APOLD1: variants seen among roughly 807,000 people sequenced by gnomAD.
The protein encoded by APOLD1 is apolipoprotein L domain-containing protein 1.
A neutral mutation model predicts 15.3 loss-of-function variants in APOLD1; 22 were observed. The observed-to-expected ratio is 1.44, with a 90% CI of 1.03 to 2.05. APOLD1 has a LOEUF of 2.05. Among genes scored for constraint, APOLD1 ranks in the 30% most tolerant of loss-of-function variants. The pLI, the probability that APOLD1 is intolerant of heterozygous loss-of-function variation, is 0.00. For synonymous variants in APOLD1, 190 were observed against 167.4 expected, an observed-to-expected ratio of 1.13 and a Z score of -1.04; for missense variants, 394 against 353.5, an observed-to-expected ratio of 1.11 and a Z score of -0.92.
chr12:12,760,027 A>G (rs1274595287), intron 1 of APOLD1, among the ~76,000 whole-genome samples: 1 of 152,242 alleles, frequency 6.6e-6, no homozygotes, highest in Admixed American at 6.5e-5. Flanking sequence ...GCAACTGAAT[A>G]GAAGTAGACA....
chr12:12,779,773 A>G (rs918034690), intron 1 of APOLD1, among the ~76,000 whole-genome samples: 1 of 152,212 alleles, frequency 6.6e-6, no homozygotes, highest in Non-Finnish European at 1.5e-5. Flanking sequence ...CAACATAGAC[A>G]AGTGTGTATC....
upstream of APOLD1, among the ~76,000 whole-genome samples, chr12:12,783,106 T>C (rs1275511573): frequency 6.6e-6 from 1 of 152,012 alleles, no homozygotes; most frequent in East Asian, 1.9e-4. Flanking sequence ...CTCGGGAGGC[T>C]GAGGCAGGAG....
intron 1 of APOLD1, among the ~76,000 whole-genome samples, chr12:12,748,169 G>A (rs890278294): frequency 6.6e-6 from 1 of 152,198 alleles, no homozygotes; most frequent in African/African-American, 2.4e-5. Context: ...TATTAAGAGA[G>A]TGAAAAAAAT....
At chr12:12,784,920 T>C (rs1468779106), upstream of APOLD1, among the ~76,000 whole-genome samples, 2 of 152,210 alleles carry the variant, frequency 1.3e-5, no homozygotes, top group Non-Finnish European at 2.9e-5. Flanking sequence ...TCACATGGGC[T>C]ACAATTGCTA....
chr12:12,777,889 GTTTTTTTTTTTTTTTTTTTTTT>G (rs71436735), intron 1 of APOLD1, among the ~76,000 whole-genome samples: 1 of 117,064 alleles, frequency 8.5e-6, no homozygotes, highest in Admixed American at 9.0e-5. Flanking sequence ...AAGGAAAGGT[GTTTTTTTTTTTTTTTTTTTTTT>G]TTTTTTTTTT....
chr12:12,762,443 C>T (rs1946908292), intron 1 of APOLD1, among the ~76,000 whole-genome samples: 1 of 151,914 alleles, frequency 6.6e-6, no homozygotes, highest in African/African-American at 2.4e-5. Flanking sequence ...CAACCTCTGC[C>T]TCCCAGGTTC....
intron 1 of APOLD1, among the ~76,000 whole-genome samples, chr12:12,765,178 A>G (rs1356723497): frequency 6.6e-6 from 1 of 152,162 alleles, no homozygotes; most frequent in African/African-American, 2.4e-5. Context: ...GCCTCCAATC[A>G]TGATGGAAGG....
upstream of APOLD1, among the ~76,000 whole-genome samples, chr12:12,785,128 T>C (rs1427464161): frequency 6.6e-6 from 1 of 152,164 alleles, no homozygotes; most frequent in African/African-American, 2.4e-5. Flanking sequence ...GGCCTTGCAT[T>C]CTTAGGACTG....
chr12:12,751,847 A>T (rs751634185), intron 1 of APOLD1, among the ~76,000 whole-genome samples: 1 of 152,242 alleles, frequency 6.6e-6, no homozygotes, highest in Non-Finnish European at 1.5e-5. Context: ...ATTGATCTCT[A>T]TAAGAAGGAC....
At position 12,787,400 on chromosome 12, in the gene APOLD1, TTCTG is replaced by T. The variant is rs1947140453; in HGVS notation, c.499_502del (p.Val167ThrfsTer28). 30 of 1,614,076 alleles carry T rather than the reference TTCTG, an allele frequency of 1.9e-5. No individual in the cohort carries two copies. Among genetic ancestry groups the T allele is most frequent in the Non-Finnish European group, 2.5e-5 (30 of 1,180,036 alleles). Reference sequence around the variant, plus strand: ...GGAACGCCTCCATCGCCCTGTACAATTCTGTCTACTTCATCGTCTTCTTTGGCTC... The same window carrying T: ...GGAACGCCTCCATCGCCCTGTACAATTCTACTTCATCGTCTTCTTTGGCTC... On this transcript the variant is annotated frameshift_variant, in exon 2 of 2. Coordinates refer to ENST00000356591, the MANE Select transcript of APOLD1 (RefSeq NM_030817.3). LOFTEE classifies it high-confidence loss of function. This position sits in a 1 kb window ranked among gnomAD's most constrained non-coding sequence, Gnocchi z 4.9.
At chr12:12,746,096 C>T (rs10505768) in intron 1 of APOLD1, among the ~76,000 whole-genome samples, 8,835 of 152,032 alleles carry the variant, frequency 0.058, 520 homozygotes, top group African/African-American at 0.14. Flanking sequence ...CTATTTCATC[C>T]GAGTCTGGAA....
intron 1 of APOLD1, among the ~76,000 whole-genome samples, chr12:12,736,056 TA>T (rs1946682329): frequency 6.6e-6 from 1 of 151,892 alleles, no homozygotes; most frequent in Admixed American, 6.6e-5. Flanking sequence ...CCATCTCTAC[TA>T]AAAATACAAA....
intron 1 of APOLD1, among the ~76,000 whole-genome samples, chr12:12,727,921 A>G (rs965285776): frequency 2.0e-5 from 3 of 151,568 alleles, no homozygotes; most frequent in African/African-American, 7.3e-5. Flanking sequence ...TTTAAATAGA[A>G]TTCTGCCAAC....
chr12:12,752,578 G>A (rs896583577), intron 1 of APOLD1, among the ~76,000 whole-genome samples: 3 of 152,018 alleles, frequency 2.0e-5, no homozygotes, highest in Admixed American at 2.0e-4. Flanking sequence ...ACAATCTCTT[G>A]TAGCTCCCAA....
chr12:12,726,281 T>C (rs1196155268), intron 1 of APOLD1: 3 of 695,682 alleles, frequency 4.3e-6, no homozygotes, highest in Non-Finnish European at 5.1e-6. Context: ...TTAAAAAAGT[T>C]TTCTTTGATT....
intron 1 of APOLD1, among the ~76,000 whole-genome samples, chr12:12,748,234 T>C (rs557943698): frequency 6.6e-6 from 1 of 152,316 alleles, no homozygotes; most frequent in South Asian, 2.1e-4. Context: ...CACGGAGCAT[T>C]AGTGAGAGAT....
chr12:12,787,610 C>T lies in APOLD1; in HGVS notation c.705C>T (p.Asp235=), dbSNP rs780198052. The change falls in exon 2 of 2, where the codon GAC becomes GAT. Residue 235 remains aspartate (D), a synonymous_variant. Transcript: ENST00000356591. The surrounding 1 kb of genome is among the most constrained non-coding windows in gnomAD (Gnocchi z 4.9). ...QLCTKSSRGH[D]LKISADQRAG... The stretch of plus-strand genomic sequence containing the variant: ...GCACCAAGTCCAGTCGTGGCCACGA[C>T]CTCAAGATCTCTGCTGACCAGCGTG... 1 of 1,609,866 alleles carries T rather than the reference C, an allele frequency of 6.2e-7. No individual in the cohort carries two copies. Among genetic ancestry groups the T allele is most frequent in the Non-Finnish European group, 8.5e-7 (1 of 1,179,914 alleles).
chr12:12,783,999 G>A (rs1947106279), upstream of APOLD1, among the ~76,000 whole-genome samples: 1 of 151,628 alleles, frequency 6.6e-6, no homozygotes, highest in East Asian at 1.9e-4. Flanking sequence ...AATTTTTTTT[G>A]CCTCCATAAA....
intron 1 of APOLD1, among the ~76,000 whole-genome samples, chr12:12,730,002 GCACACCACCATGCCCAGCTAACTT>G (rs1946623899): frequency 1.3e-5 from 2 of 151,136 alleles, no homozygotes; most frequent in African/African-American, 4.9e-5. Flanking sequence ...GGCTGTAGGT[GCACACCACCATGCCCAGCTAACTT>G]TGTGTGTGTG....
Sources: gnomAD v4.1 joint callset for allele counts (sites outside exome capture counted in the v4.1 genomes callset) on GRCh38, gnomAD v4.1.1 for gene constraint, Gnocchi (gnomAD v3.1) non-coding constraint, MANE v1.5 for transcripts, NCBI Gene and HGNC (gene_info 2026-07-23, HGNC 2026-07-21) for gene names.